CCDC7: variants seen among roughly 807,000 people sequenced by gnomAD.
CCDC7 encodes coiled-coil domain-containing protein 7.
In CCDC7, 183 loss-of-function variants were observed where a neutral mutation model predicts 196.9. That is an observed-to-expected ratio of 0.93 (90% CI 0.82 to 1.05). The LOEUF is 1.05. Among genes scored for constraint, CCDC7 ranks in the 50% least tolerant of loss-of-function variants. The pLI, the probability that CCDC7 is intolerant of heterozygous loss-of-function variation, is 0.00. For missense variants in CCDC7, 1,540 were observed against 1,482.2 expected (o/e 1.04, Z -0.64); for synonymous variants, 525 against 484.6 (o/e 1.08, Z -1.10).
At chr10:32,570,591 A>ATCCCAGCATG (rs1564691578) in intron 15 of CCDC7, among the ~76,000 whole-genome samples, 1 of 152,116 alleles carries the variant, frequency 6.6e-6, no homozygotes, top group Non-Finnish European at 1.5e-5. Flanking sequence ...ATCCCAGCAT[A>ATCCCAGCATG]TGGAAGGTTT....
intron 9 of CCDC7, among the ~76,000 whole-genome samples, chr10:32,494,684 T>A (rs1564449883): frequency 6.6e-6 from 1 of 152,188 alleles, no homozygotes; most frequent in African/African-American, 2.4e-5. Context: ...CTGAGAATGA[T>A]GGTTTCCAGC....
intron 3 of CCDC7, among the ~76,000 whole-genome samples, chr10:32,456,719 A>T (rs1177327856): frequency 6.6e-6 from 1 of 152,184 alleles, no homozygotes; most frequent in East Asian, 1.9e-4. Flanking sequence ...TGGCCATTAC[A>T]GAGAATGACC....
intron 23 of CCDC7, among the ~76,000 whole-genome samples, chr10:32,693,347 C>T (rs536659334): frequency 5.3e-5 from 8 of 152,106 alleles, no homozygotes; most frequent in African/African-American, 1.9e-4. Context: ...TTTCTTATAT[C>T]TCTCCTCTGC....
intron 5 of CCDC7, among the ~76,000 whole-genome samples, chr10:32,470,013 T>G (rs2133879841): frequency 6.6e-6 from 1 of 152,294 alleles, no homozygotes; most frequent in Admixed American, 6.5e-5. Flanking sequence ...TTGGAATATT[T>G]TCTTTGTCTA....
chr10:32,536,016 A>T (rs1015888296), intron 11 of CCDC7, among the ~76,000 whole-genome samples: 2 of 152,122 alleles, frequency 1.3e-5, no homozygotes, highest in South Asian at 2.1e-4. Flanking sequence ...GTCTTCCCAG[A>T]CCCCTTAAAT....
At chr10:32,528,235 C>T (rs1035019256) in intron 11 of CCDC7, among the ~76,000 whole-genome samples, 1 of 151,872 alleles carries the variant, frequency 6.6e-6, no homozygotes, top group Non-Finnish European at 1.5e-5. Flanking sequence ...AATAATATTC[C>T]ACTGTGTATA....
chr10:32,827,898 A>G (rs897547531), intron 32 of CCDC7, among the ~76,000 whole-genome samples: 10 of 152,172 alleles, frequency 6.6e-5, no homozygotes, highest in Non-Finnish European at 1.5e-4. Context: ...GCAGCCACGA[A>G]ATCCCTTTCC....
At chr10:32,799,847 A>G (rs1255182603) in intron 29 of CCDC7, among the ~76,000 whole-genome samples, 1 of 152,236 alleles carries the variant, frequency 6.6e-6, no homozygotes, top group East Asian at 1.9e-4. Flanking sequence ...AGCAAACAAG[A>G]TCTCTCCAAA....
At position 32,544,258 on chromosome 10, in the gene CCDC7, CA is replaced by C; in HGVS notation, c.1092del (p.Glu365LysfsTer6). The C allele has an allele frequency of 6.2e-7, 1 of 1,605,156 alleles. No homozygotes were observed. On this transcript the variant is annotated frameshift_variant, in exon 13 of 42. Coordinates refer to ENST00000639629, the Ensembl canonical transcript of CCDC7. LOFTEE classifies it high-confidence loss of function. ...ATTTTATGTTACAGGAAGATGTCTCCAGAAAAAGAGTTTAAAATAAAAGAAG... is the reference window on the plus strand; with the variant it reads ...ATTTTATGTTACAGGAAGATGTCTCCGAAAAAGAGTTTAAAATAAAAGAAG...
intron 20 of CCDC7, among the ~76,000 whole-genome samples, chr10:32,650,193 G>C (rs2068486006): frequency 6.6e-6 from 1 of 152,144 alleles, no homozygotes; most frequent in South Asian, 2.1e-4. Flanking sequence ...TTTGCTTCTG[G>C]AAGTTTCAGA....
Position 32,638,082 on chromosome 10 carries a change from T to A in CCDC7, c.2014+2924T>A, listed in dbSNP as rs533552626. ...TTGTGATTTTTGCACATTGATTTTGTATCCTGAGACTTTGCTGAAGTTGCC... is the reference window on the plus strand; with the variant it reads ...TTGTGATTTTTGCACATTGATTTTGAATCCTGAGACTTTGCTGAAGTTGCC... On this transcript the variant is annotated intron_variant, in intron 20 of 41. Transcript: ENST00000639629. 1.5e-4 allele frequency among the ~76,000 whole-genome samples: 23 copies of A among 152,354 alleles called. No homozygotes were observed. In the South Asian group the frequency reaches 2.5e-3, roughly 16 times the overall value.
At chr10:32,528,382 T>A (rs1032572138) in intron 11 of CCDC7, among the ~76,000 whole-genome samples, 6 of 151,794 alleles carry the variant, frequency 4.0e-5, no homozygotes, top group Non-Finnish European at 7.4e-5. Flanking sequence ...CTGTACCCAA[T>A]GTATATTTAT....
chr10:32,610,494 C>A (rs2061997481), intron 18 of CCDC7, among the ~76,000 whole-genome samples: 1 of 152,130 alleles, frequency 6.6e-6, no homozygotes, highest in Non-Finnish European at 1.5e-5. Context: ...CACAGGTATA[C>A]ATGTGCCATA....
rs866178348 is a variant in CCDC7 at position 32,720,329 on chromosome 10, A to G, written c.2570-6405A>G. 5.3e-4 allele frequency among the ~76,000 whole-genome samples: 81 copies of G among 151,950 alleles called. 1 individual carries two copies. Among genetic ancestry groups the G allele is most frequent in the Admixed American group, 3.2e-3 (49 of 15,234 alleles). On this transcript the variant is annotated intron_variant, in intron 25 of 41. Coordinates refer to ENST00000639629, the Ensembl canonical transcript of CCDC7. ...ACAGCAACTAATACACAGCCAACTA[A>G]CCAAACACCGCATGTTCTCTCTCAT...
intron 9 of CCDC7, among the ~76,000 whole-genome samples, chr10:32,517,383 C>A (rs937218827): frequency 1.3e-5 from 2 of 151,856 alleles, no homozygotes; most frequent in Non-Finnish European, 2.9e-5. Flanking sequence ...ATAAAAATTA[C>A]AGAATGGAAA....
intron 28 of CCDC7, among the ~76,000 whole-genome samples, chr10:32,764,490 T>G: frequency 6.6e-6 from 1 of 151,774 alleles, no homozygotes; most frequent in Admixed American, 6.6e-5. Flanking sequence ...TGTTGCAGCA[T>G]GGAGGTTAGA....
chr10:32,496,108 C>T (rs2042878097), intron 9 of CCDC7, among the ~76,000 whole-genome samples: 2 of 152,094 alleles, frequency 1.3e-5, no homozygotes, highest in Admixed American at 1.3e-4. Context: ...AGGTTCTTCA[C>T]ATCCCTTGTA....
chr10:32,843,638 A>T (rs1258267423), intron 33 of CCDC7, among the ~76,000 whole-genome samples: 1 of 152,060 alleles, frequency 6.6e-6, no homozygotes, highest in Non-Finnish European at 1.5e-5. Context: ...ACTTTAGCAC[A>T]TAGATTCTCT....
chr10:32,500,142 C>A (rs559711483), intron 9 of CCDC7, among the ~76,000 whole-genome samples: 6 of 151,086 alleles, frequency 4.0e-5, no homozygotes, highest in Admixed American at 3.3e-4. Flanking sequence ...GGGTGGTGGC[C>A]GGGCAGAGGG....
Sources: gnomAD v4.1 joint callset for allele counts (sites outside exome capture counted in the v4.1 genomes callset) on GRCh38, gnomAD v4.1.1 for gene constraint, MANE v1.5 for transcripts, NCBI Gene and HGNC (gene_info 2026-07-23, HGNC 2026-07-21) for gene names.